The following SCN8A variants were observed in gnomAD, a reference collection of about 807,000 sequenced individuals.
The protein encoded by SCN8A is sodium voltage-gated channel alpha subunit 8.
SCN8A carries 30 observed loss-of-function variants against 184.1 expected under a neutral mutation model. The observed-to-expected ratio is 0.16, with a 90% CI of 0.12 to 0.22. The LOEUF is 0.22. Among genes scored for constraint, SCN8A ranks in the 10% least tolerant of loss-of-function variants. The pLI is 1.00. For missense variants in SCN8A, 1,057 were observed against 2,498.9 expected (o/e 0.42, Z 12.30); for synonymous variants, 852 against 907.0 (o/e 0.94, Z 1.09).
chr12:51,659,309 G>T (rs1940882690), intron 1 of SCN8A, among the ~76,000 whole-genome samples: 1 of 152,200 alleles, frequency 6.6e-6, no homozygotes, highest in African/African-American at 2.4e-5. Flanking sequence ...TTTGCTAGGG[G>T]TGGTTATTGA....
intron 1 of SCN8A, among the ~76,000 whole-genome samples, chr12:51,616,210 T>G (rs2138587028): frequency 6.6e-6 from 1 of 152,354 alleles, no homozygotes; most frequent in African/African-American, 2.4e-5. Flanking sequence ...CTGCTAGTGA[T>G]GAATTATTTT....
chr12:51,762,058 A>G (rs1261417680), intron 14 of SCN8A, among the ~76,000 whole-genome samples: 1 of 152,176 alleles, frequency 6.6e-6, no homozygotes, highest in African/African-American at 2.4e-5. Flanking sequence ...ACCTTGTGGC[A>G]AATGTCTGGG....
chr12:51,713,501 T>A (rs1941915382), intron 11 of SCN8A: 2 of 764,520 alleles, frequency 2.6e-6, no homozygotes, highest in Admixed American at 3.4e-5. Context: ...ATAAACAGTT[T>A]TCTCAACTGC....
intron 6 of SCN8A, among the ~76,000 whole-genome samples, chr12:51,690,477 C>T (rs1260223526): frequency 6.6e-6 from 1 of 152,040 alleles, no homozygotes; most frequent in African/African-American, 2.4e-5. Context: ...CTCAGCCTTC[C>T]AAGTAGCTGA....
intron 14 of SCN8A, among the ~76,000 whole-genome samples, chr12:51,758,046 G>A (rs1259744031): frequency 6.6e-6 from 1 of 152,232 alleles, no homozygotes; most frequent in Non-Finnish European, 1.5e-5. Flanking sequence ...TTGGGAGGCT[G>A]AGGCAGGAGC....
At chr12:51,595,111 A>G (rs1279174590) in intron 1 of SCN8A, among the ~76,000 whole-genome samples, 1 of 152,168 alleles carries the variant, frequency 6.6e-6, no homozygotes. Flanking sequence ...CTCTGCACCT[A>G]CTATATATAA....
chr12:51,799,093 G>A lies in SCN8A; in HGVS notation c.4795+4452G>A, dbSNP rs186473259. ...TGGTGCCTGCATTTCGTGCAGAACC[G>A]TCTGTAAACTAGGCCCTAGTCTTCT... On this transcript the variant is annotated intron_variant, in intron 26 of 26. Coordinates refer to ENST00000627620, the MANE Select transcript of SCN8A (RefSeq NM_001330260.2). Among the ~76,000 whole-genome samples the A allele has an allele frequency of 6.8e-3, 1,034 of 152,216 alleles. 7 individuals carry two copies. The highest frequency in any genetic ancestry group is 0.011 in the Admixed American group (171 of 15,304).
In SCN8A at chr12:51,658,371, C is replaced by A. The variant is rs1180518287; in HGVS notation, c.-54-4393C>A. On this transcript the variant is annotated intron_variant, in intron 1 of 26. Transcript: ENST00000627620. ...CTAGGTCTTACTATTTTTTTGGTGG[C>A]TATTATAATTGGGATTGCTTTCTTG... is the stretch of plus-strand genomic sequence containing the variant. Among the ~76,000 whole-genome samples, 7 of 151,956 alleles carry A rather than the reference C, an allele frequency of 4.6e-5. No homozygotes were observed. The South Asian group carries it at 6.2e-4, about 14-fold the overall frequency.
intron 1 of SCN8A, among the ~76,000 whole-genome samples, chr12:51,636,980 G>A (rs773439873): frequency 4.6e-5 from 7 of 152,050 alleles, no homozygotes; most frequent in East Asian, 1.9e-4. Flanking sequence ...CAAGTCTGTC[G>A]GGACCATTTT....
At chr12:51,637,074 C>A (rs371205994) in intron 1 of SCN8A, among the ~76,000 whole-genome samples, 2 of 152,064 alleles carry the variant, frequency 1.3e-5, no homozygotes, top group Non-Finnish European at 2.9e-5. Context: ...ATTATTACAT[C>A]TGTTATGGCG....
intron 1 of SCN8A, among the ~76,000 whole-genome samples, chr12:51,598,305 A>C (rs555880722): frequency 6.6e-6 from 1 of 152,166 alleles, no homozygotes; most frequent in African/African-American, 2.4e-5. Context: ...CTCCCCTCCA[A>C]CAATTCCTTT....
chr12:51,777,675 G>T (rs562828840), intron 20 of SCN8A, among the ~76,000 whole-genome samples: 21 of 152,228 alleles, frequency 1.4e-4, no homozygotes, highest in African/African-American at 4.8e-4. Context: ...GCAACGTTTA[G>T]AGCCAGCCAC....
At chr12:51,712,671 C>G (rs1592398198) in intron 11 of SCN8A, 2 of 828,350 alleles carry the variant, frequency 2.4e-6, no homozygotes, top group East Asian at 4.8e-5. Flanking sequence ...TTGTAACCAT[C>G]ATATCCTCCA....
chr12:51,634,314 C>G (rs1056352741), intron 1 of SCN8A, among the ~76,000 whole-genome samples: 2 of 152,072 alleles, frequency 1.3e-5, no homozygotes, highest in Non-Finnish European at 1.5e-5. Flanking sequence ...TGAGAGACAC[C>G]TAATTCAGGA....
At chr12:51,672,306 A>G (rs1168361332) in intron 2 of SCN8A, among the ~76,000 whole-genome samples, 2 of 152,138 alleles carry the variant, frequency 1.3e-5, no homozygotes, top group Non-Finnish European at 2.9e-5. Flanking sequence ...ATATTATAAG[A>G]TCTTCCCAAT....
chr12:51,702,941 C>A, intron 9 of SCN8A, 27 bp downstream of exon 9: 1 of 1,567,190 alleles, frequency 6.4e-7, no homozygotes. Flanking sequence ...TTCCTTTGGC[C>A]ATAGAGTTTG....
intron 1 of SCN8A, among the ~76,000 whole-genome samples, chr12:51,640,212 GTTTTTTTTTTTTTTTTTTTTTTTTT>G (rs57362371): frequency 8.3e-4 from 29 of 34,772 alleles, no homozygotes; most frequent in African/African-American, 2.5e-3. Flanking sequence ...TGCCTGGCCT[GTTTTTTTTTTTTTTTTTTTTTTTTT>G]TTTTTTTTTT....
intron 1 of SCN8A, among the ~76,000 whole-genome samples, chr12:51,632,877 A>G (rs927580787): frequency 3.3e-5 from 5 of 151,916 alleles, no homozygotes; most frequent in Admixed American, 3.3e-4. Context: ...TCCATGACCT[A>G]TATTCATTAT....
intron 18 of SCN8A, chr12:51,770,275 C>G: frequency 1.7e-6 from 1 of 589,882 alleles, no homozygotes; most frequent in South Asian, 2.3e-5. Flanking sequence ...CTCCTGACTA[C>G]CCTTTTCTCC....
Sources: allele counts gnomAD v4.1 joint callset (sites outside exome capture counted in the v4.1 genomes callset), GRCh38; gene constraint gnomAD v4.1.1; transcripts MANE v1.5; gene names NCBI Gene and HGNC (gene_info 2026-07-23, HGNC 2026-07-21).